The following DCC variants were observed in gnomAD, a reference collection of about 807,000 sequenced individuals.
The protein encoded by DCC is netrin receptor DCC.
In DCC, 58 loss-of-function variants were observed where a neutral mutation model predicts 172.5. The ratio of observed to expected loss-of-function variants is 0.34; its 90% CI spans 0.27 to 0.42. The LOEUF (loss-of-function observed/expected upper bound fraction) is 0.42. Ranked by LOEUF, DCC falls within the 10% of genes least tolerant of loss-of-function variation. The probability of loss-of-function intolerance (pLI) is 1.00; values close to 1 mark genes in which losing one functional copy is unlikely to be tolerated. For missense variants in DCC, 1,740 were observed against 1,791.0 expected (o/e 0.97, Z 0.51); for synonymous variants, 709 against 644.5 (o/e 1.10, Z -1.52).
chr18:53,171,214 G>C (rs1195365578), intron 8 of DCC, among the ~76,000 whole-genome samples: 1 of 152,056 alleles, frequency 6.6e-6, no homozygotes, highest in African/African-American at 2.4e-5. Context: ...AACTCCCTTT[G>C]ATATGATAAG....
At chr18:53,512,459 G>C (rs2046269183) in intron 27 of DCC, among the ~76,000 whole-genome samples, 2 of 151,208 alleles carry the variant, frequency 1.3e-5, no homozygotes, top group Admixed American at 6.6e-5. Context: ...AAGCTGGATG[G>C]AGAATGACTT....
At chr18:52,635,808 A>G (rs1321210843) in intron 1 of DCC, among the ~76,000 whole-genome samples, 1 of 131,062 alleles carries the variant, frequency 7.6e-6, no homozygotes, top group Non-Finnish European at 1.7e-5. Context: ...TCATAACTAG[A>G]ATTAAACTCC....
chr18:52,504,732 C>G (rs1283232621), intron 1 of DCC, among the ~76,000 whole-genome samples: 1 of 151,988 alleles, frequency 6.6e-6, no homozygotes, highest in African/African-American at 2.4e-5. Context: ...CCTGCTTCCC[C>G]CCTCAACTTC....
At chr18:52,925,393 G>C in intron 5 of DCC, 23 bp downstream of exon 5, 3 of 1,608,516 alleles carry the variant, frequency 1.9e-6, no homozygotes, top group Non-Finnish European at 2.6e-6. Flanking sequence ...CTGGAGATGA[G>C]TTTATATTGT....
intron 1 of DCC, among the ~76,000 whole-genome samples, chr18:52,635,687 A>T (rs2144888539): frequency 6.6e-6 from 1 of 152,252 alleles, no homozygotes; most frequent in African/African-American, 2.4e-5. Flanking sequence ...GCTAGTGCAA[A>T]CTTTTCTTCA....
At chr18:52,503,237 A>C (rs2031099954) in intron 1 of DCC, among the ~76,000 whole-genome samples, 2 of 152,146 alleles carry the variant, frequency 1.3e-5, no homozygotes. Context: ...ATGACTATAC[A>C]AGTCACTGTT....
chr18:52,427,578 A>G (rs1255222923), intron 1 of DCC, among the ~76,000 whole-genome samples: 4 of 151,982 alleles, frequency 2.6e-5, no homozygotes, highest in Non-Finnish European at 1.5e-5. Context: ...CTCCCAATCT[A>G]AAGGATCATC....
chr18:52,497,681 G>T (rs2030856565), intron 1 of DCC, among the ~76,000 whole-genome samples: 1 of 152,060 alleles, frequency 6.6e-6, no homozygotes, highest in Non-Finnish European at 1.5e-5. Context: ...CATTAAGGCA[G>T]ATATTCTTCT....
At chr18:52,904,659 C>A (rs2039855101) in intron 2 of DCC, among the ~76,000 whole-genome samples, 1 of 152,014 alleles carries the variant, frequency 6.6e-6, no homozygotes, top group African/African-American at 2.4e-5. Flanking sequence ...AAATTTAAAC[C>A]TGGACCTGGG....
At chr18:52,776,436 G>T (rs926204501) in intron 2 of DCC, among the ~76,000 whole-genome samples, 1 of 152,082 alleles carries the variant, frequency 6.6e-6, no homozygotes, top group Non-Finnish European at 1.5e-5. Context: ...AAGTCTATAA[G>T]ATCTGTTCTA....
chr18:53,175,329 C>A (rs1321020120), intron 8 of DCC, among the ~76,000 whole-genome samples: 2 of 151,658 alleles, frequency 1.3e-5, no homozygotes, highest in Non-Finnish European at 1.5e-5. Context: ...CTGGCCAGGG[C>A]AATTAGGCAG....
intron 1 of DCC, among the ~76,000 whole-genome samples, chr18:52,647,002 C>T (rs765210343): frequency 6.6e-6 from 1 of 152,174 alleles, no homozygotes; most frequent in Non-Finnish European, 1.5e-5. Flanking sequence ...TAATGAATAA[C>T]AAAAGACAGT....
intron 5 of DCC, among the ~76,000 whole-genome samples, chr18:53,053,604 A>C (rs2042363581): frequency 6.6e-6 from 1 of 152,194 alleles, no homozygotes; most frequent in Non-Finnish European, 1.5e-5. Flanking sequence ...ACAGAGAAAT[A>C]GTTCTCATGC....
chr18:53,408,847 T>G (rs982320719), intron 19 of DCC, among the ~76,000 whole-genome samples: 2 of 152,104 alleles, frequency 1.3e-5, no homozygotes, highest in Non-Finnish European at 2.9e-5. Flanking sequence ...TGTTCAAAAT[T>G]TAAGAGAAAT....
rs1227996333 is a variant in DCC, at chr18:53,439,210, C to T, written c.3229+4001C>T. Among the ~76,000 whole-genome samples the T allele has an allele frequency of 2.0e-5, 3 of 152,004 alleles. No individual in the cohort carries two copies. In the East Asian group the frequency reaches 5.8e-4, roughly 29 times the overall value. The stretch of plus-strand genomic sequence containing the variant: ...AATATAACTTTAGCCTTGGCTATTA[C>T]AAGCAAATCAGCAAAGGCATCTGAA... On this transcript the variant is annotated intron_variant, in intron 22 of 28. Coordinates refer to ENST00000442544, the MANE Select transcript of DCC (RefSeq NM_005215.4).
At chr18:53,055,291 T>C (rs78239916) in intron 5 of DCC, among the ~76,000 whole-genome samples, 3,114 of 152,290 alleles carry the variant, frequency 0.02, 39 homozygotes, top group Middle Eastern at 0.031. Flanking sequence ...AGTAATAATA[T>C]ATTTACTTTC....
At chr18:52,427,883 C>A (rs578257873) in intron 1 of DCC, among the ~76,000 whole-genome samples, 9 of 139,986 alleles carry the variant, frequency 6.4e-5, no homozygotes, top group African/African-American at 1.9e-4. Context: ...TTCCTTCCTT[C>A]CTTCCTTCCT....
chr18:53,173,922 C>G (rs1475919735), intron 8 of DCC, among the ~76,000 whole-genome samples: 6 of 108,912 alleles, frequency 5.5e-5, no homozygotes, highest in South Asian at 3.9e-4. Context: ...TGACCACATA[C>G]TTGGAAGTAA....
intron 12 of DCC, among the ~76,000 whole-genome samples, chr18:53,238,165 T>C (rs985906483): frequency 6.6e-6 from 1 of 152,188 alleles, no homozygotes. Flanking sequence ...TTTTTACTTA[T>C]GACACACAGA....
Sources: gnomAD v4.1 joint callset for allele counts (sites outside exome capture counted in the v4.1 genomes callset) on GRCh38, gnomAD v4.1.1 for gene constraint, MANE v1.5 for transcripts, NCBI Gene and HGNC (gene_info 2026-07-23, HGNC 2026-07-21) for gene names.